Variants in GRM3 observed in about 807,000 individuals in gnomAD.
GRM3 encodes metabotropic glutamate receptor 3.
A neutral mutation model predicts 70.5 loss-of-function variants in GRM3; 26 were observed. That is an observed-to-expected ratio of 0.37 (90% confidence interval 0.27 to 0.51). GRM3 has a LOEUF of 0.51. Among genes scored for constraint, GRM3 ranks in the 20% least tolerant of loss-of-function variants. The pLI is 0.93. For missense variants in GRM3, 859 were observed against 1,123.8 expected (o/e 0.76, Z 3.37); for synonymous variants, 443 against 434.9 (o/e 1.02, Z -0.23).
chr7:86,701,555 T>C (rs543032620), intron 1 of GRM3, among the ~76,000 whole-genome samples: 1 of 152,126 alleles, frequency 6.6e-6, no homozygotes, highest in South Asian at 2.1e-4. Context: ...TTAAACTAAA[T>C]TGAAGTAATT....
chr7:86,703,255 G>A (rs995863733), intron 1 of GRM3, among the ~76,000 whole-genome samples: 1 of 151,810 alleles, frequency 6.6e-6, no homozygotes, highest in Non-Finnish European at 1.5e-5. Context: ...GTTTTTATTG[G>A]TTAAGAACCA....
intron 1 of GRM3, among the ~76,000 whole-genome samples, chr7:86,732,945 A>G (rs894447620): frequency 2.6e-5 from 4 of 152,130 alleles, no homozygotes; most frequent in African/African-American, 9.7e-5. Flanking sequence ...GTAAAATTCT[A>G]AACAGCAAAA....
chr7:86,854,979 C>T (rs751968263), intron 5 of GRM3, among the ~76,000 whole-genome samples: 5 of 152,164 alleles, frequency 3.3e-5, no homozygotes, highest in Non-Finnish European at 7.3e-5. Context: ...AACCTGGCCG[C>T]TCAGAAAACA....
rs1159760695 is a variant in GRM3 at position 86,786,902 on chromosome 7, G to A, written c.1110G>A (p.Arg370=). 6.2e-7 allele frequency: 1 copy of A among 1,614,142 alleles called. No individual in the cohort carries two copies. The highest frequency in any genetic ancestry group is 2.2e-5 in the East Asian group (1 of 44,874). The change falls in exon 3 of 6, where the codon AGG becomes AGA. Residue 370 remains arginine (R), a synonymous_variant. Transcript: ENST00000361669. The surrounding 1 kb of genome is among the most constrained non-coding windows in gnomAD (Gnocchi z 6.0). The part of the protein sequence containing the change: ...QCSLQNKRNH[R]RVCDKHLAID... ...GCCTCCAGAACAAACGCAACCACAGGCGCGTCTGCGACAAGCACCTGGCCA... is the reference window on the plus strand; with the variant it reads ...GCCTCCAGAACAAACGCAACCACAGACGCGTCTGCGACAAGCACCTGGCCA...
intron 5 of GRM3, among the ~76,000 whole-genome samples, chr7:86,861,021 A>T (rs1478711620): frequency 1.4e-4 from 21 of 152,202 alleles, no homozygotes. Flanking sequence ...CATTTTTAGC[A>T]TGCACAGAAA....
At chr7:86,803,048 T>C (rs17161007) in intron 3 of GRM3, among the ~76,000 whole-genome samples, 8,185 of 152,228 alleles carry the variant, frequency 0.054, 703 homozygotes, top group African/African-American at 0.18. Context: ...AATCTTTATC[T>C]CTAAAATGCT....
rs527440762 is a variant in GRM3 at position 86,809,897 on chromosome 7, C to A, written c.1324+22781C>A. ...ACAGCATCTCATTTAATATTTACACCATTCCCAAACAAACAATGCTTCTTA... is the reference window on the plus strand; with the variant it reads ...ACAGCATCTCATTTAATATTTACACAATTCCCAAACAAACAATGCTTCTTA... On this transcript the variant is annotated intron_variant, in intron 3 of 5. Transcript: ENST00000361669. 1.7e-3 allele frequency among the ~76,000 whole-genome samples: 252 copies of A among 152,064 alleles called. 1 individual carries two copies. The highest frequency in any genetic ancestry group is 3.4e-3 in the Middle Eastern group (1 of 294).
chr7:86,833,413 AT>A (rs1420590100), intron 3 of GRM3, among the ~76,000 whole-genome samples: 5 of 147,286 alleles, frequency 3.4e-5, no homozygotes, highest in African/African-American at 1.0e-4. Context: ...AATAATAATA[AT>A]AAAGAAAAAA....
intron 1 of GRM3, among the ~76,000 whole-genome samples, chr7:86,702,368 C>T (rs1345657346): frequency 1.3e-5 from 2 of 151,994 alleles, no homozygotes; most frequent in African/African-American, 2.4e-5. Context: ...ACAGAGTGAA[C>T]AATGTTCTTA....
chr7:86,764,792 C>T (rs1303952305), intron 1 of GRM3, among the ~76,000 whole-genome samples: 1 of 151,970 alleles, frequency 6.6e-6, no homozygotes, highest in Non-Finnish European at 1.5e-5. Context: ...CCCTCTGTGC[C>T]CATTTCTGTG....
At chr7:86,734,319 A>T (rs1352897786) in intron 1 of GRM3, among the ~76,000 whole-genome samples, 1 of 152,176 alleles carries the variant, frequency 6.6e-6, no homozygotes, top group African/African-American at 2.4e-5. Context: ...GGTTTTGGCC[A>T]TTCATTGTTG....
At chr7:86,684,907 C>A (rs192516630) in intron 1 of GRM3, among the ~76,000 whole-genome samples, 343 of 152,264 alleles carry the variant, frequency 2.3e-3, no homozygotes, top group Non-Finnish European at 3.0e-3. Context: ...ATGTGGATAA[C>A]AAGATGACCT....
chr7:86,849,829 A>G (rs1798724740), intron 4 of GRM3, among the ~76,000 whole-genome samples: 1 of 152,176 alleles, frequency 6.6e-6, no homozygotes, highest in Non-Finnish European at 1.5e-5. Flanking sequence ...AAGGTACCAC[A>G]GAAGAAAGCT....
intron 1 of GRM3, among the ~76,000 whole-genome samples, chr7:86,690,660 T>A (rs971704268): frequency 6.6e-6 from 1 of 152,080 alleles, no homozygotes; most frequent in African/African-American, 2.4e-5. Context: ...AGTGACACCA[T>A]TTACTGGGAT....
At chr7:86,707,135 T>C (rs1795077981) in intron 1 of GRM3, among the ~76,000 whole-genome samples, 2 of 152,146 alleles carry the variant, frequency 1.3e-5, no homozygotes, top group Non-Finnish European at 2.9e-5. Context: ...ATCTACACTT[T>C]CCACATCTTG....
intron 3 of GRM3, among the ~76,000 whole-genome samples, chr7:86,826,583 T>C (rs891258860): frequency 3.9e-5 from 6 of 152,126 alleles, no homozygotes; most frequent in African/African-American, 1.4e-4. Flanking sequence ...GAAATGACTA[T>C]AGTGAGAAAA....
chr7:86,655,849 TGTGGGTGGGTGG>T (rs777488520), intron 1 of GRM3, among the ~76,000 whole-genome samples: 1 of 144,634 alleles, frequency 6.9e-6, no homozygotes, highest in African/African-American at 2.7e-5. Flanking sequence ...TGTGTGTGTG[TGTGGGTGGGTGG>T]GTGTGTGTGT....
rs139103111 is a variant in GRM3 at position 86,785,916 on chromosome 7, T to C, written c.469-345T>C. The stretch of plus-strand genomic sequence containing the variant: ...TGTAGTTCATTGCTTGAGCTATATA[T>C]AGCAGGACCCCAGAAACTTAAAGAA... On this transcript the variant is annotated intron_variant, in intron 2 of 5. Coordinates refer to ENST00000361669, the MANE Select transcript of GRM3 (RefSeq NM_000840.3). The C allele has an allele frequency of 5.9e-3, 1,099 of 185,522 alleles. 12 individuals carry two copies. Among genetic ancestry groups the C allele is most frequent in the African/African-American group, 0.025 (1,046 of 42,388 alleles). The allele number at this position is 185,522 out of a possible 1,614,324, so 11.5% of individuals were successfully genotyped here.
chr7:86,698,042 AG>A (rs1794858052), intron 1 of GRM3, among the ~76,000 whole-genome samples: 1 of 152,164 alleles, frequency 6.6e-6, no homozygotes, highest in Admixed American at 6.6e-5. Flanking sequence ...AATAGAAAAC[AG>A]TCTGAGCTAC....
Sources: gnomAD v4.1 joint callset for allele counts (sites outside exome capture counted in the v4.1 genomes callset) on GRCh38, gnomAD v4.1.1 for gene constraint, Gnocchi (gnomAD v3.1) non-coding constraint, MANE v1.5 for transcripts, NCBI Gene and HGNC (gene_info 2026-07-23, HGNC 2026-07-21) for gene names.